Variants in ABCG4 observed in about 807,000 individuals in gnomAD.
ABCG4 encodes ATP binding cassette subfamily G member 4.
Under a neutral mutation model 64.6 loss-of-function variants are expected in ABCG4, and 35 were observed. The observed-to-expected ratio is 0.54, with a 90% CI of 0.41 to 0.72. The LOEUF is 0.72. ABCG4 is among the 30% of genes least tolerant of loss of function. The probability of loss-of-function intolerance (pLI) is 0.00; values close to 1 mark genes in which losing one functional copy is unlikely to be tolerated. For missense variants in ABCG4, 610 were observed against 846.3 expected (o/e 0.72, Z 3.46); for synonymous variants, 326 against 348.2 (o/e 0.94, Z 0.71).
chr11:119,161,793 AG>A lies in ABCG4; in HGVS notation c.*690del, dbSNP rs1038383165. The A allele has an allele frequency of 7.9e-5, 12 of 152,778 alleles. No homozygotes were observed. Among genetic ancestry groups the A allele is most frequent in the African/African-American group, 2.4e-4 (10 of 41,424 alleles). 9.5% of individuals were successfully genotyped at this position (152,778 alleles called of 1,614,324 possible). On this transcript the variant is annotated 3_prime_UTR_variant, in exon 15 of 15. Transcript: ENST00000619701. ...CCTCCCCATCACCTTTGGTGGGGGC[AG>A]GGCCTGGTGGCACCTGTGCAATAAT...
chr11:119,152,955 T>C (rs1948211802), intron 2 of ABCG4: 1 of 152,090 alleles, frequency 6.6e-6, no homozygotes, highest in Non-Finnish European at 1.5e-5. Flanking sequence ...TTTGTTTTTC[T>C]GTCTTACTTA....
At position 119,156,280 on chromosome 11, in the gene ABCG4, T is replaced by C; in HGVS notation, c.687-49T>C. The C allele has an allele frequency of 6.2e-7, 1 of 1,612,978 alleles. No individual in the cohort carries two copies. Among genetic ancestry groups the C allele is most frequent in the Non-Finnish European group, 8.5e-7 (1 of 1,179,240 alleles). Reference sequence around the variant, plus strand: ...GCCCCGCCCCAGACACTCCCTTCTTTTGGCCTCACCCACCTCACGTGGCCC... The same window carrying C: ...GCCCCGCCCCAGACACTCCCTTCTTCTGGCCTCACCCACCTCACGTGGCCC... On this transcript the variant is annotated intron_variant, in intron 6 of 14. Transcript: ENST00000619701. This position sits in a 1 kb window ranked among gnomAD's most constrained non-coding sequence, Gnocchi z 5.5.
chr11:119,158,416 G>C lies in ABCG4; in HGVS notation c.1167+84G>C, dbSNP rs1405722351. 6.4e-7 allele frequency: 1 copy of C among 1,567,266 alleles called. No individual in the cohort carries two copies. Among genetic ancestry groups the C allele is most frequent in the Non-Finnish European group, 8.8e-7 (1 of 1,139,030 alleles). On this transcript the variant is annotated intron_variant, in intron 10 of 14. Coordinates refer to ENST00000619701, the MANE Select transcript of ABCG4 (RefSeq NM_022169.5). The surrounding 1 kb of genome is among the most constrained non-coding windows in gnomAD (Gnocchi z 4.5). Reference sequence around the variant, plus strand: ...GATCCCAGCAGCTGAAATGGGAATGGGGACCCTCCCTCACAGCCCTGCAAT... The same window carrying C: ...GATCCCAGCAGCTGAAATGGGAATGCGGACCCTCCCTCACAGCCCTGCAAT...
chr11:119,158,345 G>C lies in ABCG4; in HGVS notation c.1167+13G>C. 6.2e-7 allele frequency: 1 copy of C among 1,613,414 alleles called. No individual in the cohort carries two copies. The highest frequency in any genetic ancestry group is 8.5e-7 in the Non-Finnish European group (1 of 1,179,442). ...CCTCAGGGACACGGTGAGGCGTCAGGCTGGGGGAGAGGAGGCTGGCACAGG... is the reference window on the plus strand; with the variant it reads ...CCTCAGGGACACGGTGAGGCGTCAGCCTGGGGGAGAGGAGGCTGGCACAGG... On this transcript the variant is annotated intron_variant, in intron 10 of 14. Transcript: ENST00000619701. This position sits in a 1 kb window ranked among gnomAD's most constrained non-coding sequence, Gnocchi z 4.5.
chr11:119,154,694 G>T lies in ABCG4; in HGVS notation c.541-76G>T. On this transcript the variant is annotated intron_variant, in intron 5 of 14. Transcript: ENST00000619701. The surrounding 1 kb of genome is among the most constrained non-coding windows in gnomAD (Gnocchi z 7.0). ...CCGAGACAATGCACTTAAGGGAGAT[G>T]CTTTTTGAAGCTGGGGTGGTGCCTG... 4 of 1,585,856 alleles carry T rather than the reference G, an allele frequency of 2.5e-6. No homozygotes were observed. The South Asian group carries it at 4.6e-5, about 18-fold the overall frequency.
Position 119,158,572 on chromosome 11 carries a change from C to T in ABCG4, c.1183C>T (p.Arg395Trp), listed in dbSNP as rs748264266. 10 of 1,614,102 alleles carry T rather than the reference C, an allele frequency of 6.2e-6. No individual in the cohort carries two copies. The highest frequency in any genetic ancestry group is 1.6e-4 in the Middle Eastern group (1 of 6,084). ...ILRDTVLTHL[R>W]FMSHVVIGVL... is the part of the protein sequence containing the mutation. Reference sequence around the variant, plus strand: ...CCCTCCCAAGGTCCTGACCCACCTACGGTTCATGTCCCACGTGGTTATTGG... The same window carrying T: ...CCCTCCCAAGGTCCTGACCCACCTATGGTTCATGTCCCACGTGGTTATTGG... The change falls in exon 11 of 15, where the codon CGG becomes TGG. Residue 395 changes from arginine to tryptophan, a missense_variant. Physicochemically the swap from Arg to Trp is moderately radical, Grantham distance 101 (BLOSUM62 -3). Transcript: ENST00000619701. The surrounding 1 kb of genome is among the most constrained non-coding windows in gnomAD (Gnocchi z 4.5).
Position 119,160,918 on chromosome 11 carries a change from A to G in ABCG4, c.1753A>G (p.Met585Val), listed in dbSNP as rs1948340693. Residue 585 changes from methionine (M) to valine (V), a missense_variant, in exon 15 of 15, where the codon ATG (methionine) becomes GTG (valine). Physicochemically the swap from Met to Val is conservative, Grantham distance 21. Coordinates refer to ENST00000619701, the MANE Select transcript of ABCG4 (RefSeq NM_022169.5). This position sits in a 1 kb window ranked among gnomAD's most constrained non-coding sequence, Gnocchi z 4.6. ...FEGVILTIYG[M>V]ERGDLTCLEE... is the part of the protein sequence containing the mutation. Reference sequence around the variant, plus strand: ...GGGTGTGATCCTGACGATCTATGGCATGGAGCGAGGAGACCTGACATGTTT... The same window carrying G: ...GGGTGTGATCCTGACGATCTATGGCGTGGAGCGAGGAGACCTGACATGTTT... The G allele has an allele frequency of 5.0e-6, 8 of 1,614,006 alleles. No individual in the cohort carries two copies. In the East Asian group the frequency reaches 1.8e-4, roughly 36 times the overall value.
In ABCG4 at chr11:119,150,047, G is replaced by A; in HGVS notation, c.82G>A (p.Ala28Thr). Reference protein sequence around the residue: ...VAMAVTLEDGAEPPVLTTHLK... With the variant: ...VAMAVTLEDGTEPPVLTTHLK... ...CATGGCCGTGACGCTGGAGGACGGG[G>A]CGGAACCCCCTGTGCTGACCACGCA... is the stretch of plus-strand genomic sequence containing the variant. The change falls in exon 2 of 15, where the codon GCG (alanine) becomes ACG (threonine). Residue 28 changes from alanine to threonine, a missense_variant. Coordinates refer to ENST00000619701, the MANE Select transcript of ABCG4 (RefSeq NM_022169.5). The surrounding 1 kb of genome is among the most constrained non-coding windows in gnomAD (Gnocchi z 4.3). 1.9e-6 allele frequency: 3 copies of A among 1,613,840 alleles called. No individual in the cohort carries two copies. Among genetic ancestry groups the A allele is most frequent in the Middle Eastern group, 1.7e-4 (1 of 6,056 alleles).
At position 119,156,220 on chromosome 11, in the gene ABCG4, C is replaced by T; in HGVS notation, c.687-109C>T. 1.3e-6 allele frequency: 2 copies of T among 1,482,960 alleles called. No individual in the cohort carries two copies. Among genetic ancestry groups the T allele is most frequent in the Non-Finnish European group, 1.9e-6 (2 of 1,080,710 alleles). 91.9% of individuals were successfully genotyped at this position (1,482,960 alleles called of 1,614,324 possible). A position where few individuals can be genotyped will look rare whatever the true frequency, so the allele number is the denominator to read the frequency against. On this transcript the variant is annotated intron_variant, in intron 6 of 14. Transcript: ENST00000619701. The surrounding 1 kb of genome is among the most constrained non-coding windows in gnomAD (Gnocchi z 5.5). The stretch of plus-strand genomic sequence containing the variant: ...AGGATACAGATGCGGCCAGAGTGCC[C>T]TCTTCCTGCCAGCTTCATCCCCTTC...
Position 119,149,906 on chromosome 11 carries a change from G to A in ABCG4, c.-12-48G>A. ...GCATTAGAACGCCAGGGAGCTTTGA[G>A]CCGGGCTCGGTGGTCTGCCCCAAAC... is the stretch of plus-strand genomic sequence containing the variant. On this transcript the variant is annotated intron_variant, in intron 1 of 14. Coordinates refer to ENST00000619701, the MANE Select transcript of ABCG4 (RefSeq NM_022169.5). This position sits in a 1 kb window ranked among gnomAD's most constrained non-coding sequence, Gnocchi z 8.3. 1 of 1,558,856 alleles carries A rather than the reference G, an allele frequency of 6.4e-7. No individual in the cohort carries two copies. Among genetic ancestry groups the A allele is most frequent in the South Asian group, 1.2e-5 (1 of 86,842 alleles).
At chr11:119,151,188 CAAAA>C (rs1176174477) in intron 2 of ABCG4, among the ~76,000 whole-genome samples, 3 of 152,234 alleles carry the variant, frequency 2.0e-5, no homozygotes, top group African/African-American at 7.2e-5. Flanking sequence ...CAGCTCTGGG[CAAAA>C]TCATGAGGCA....
chr11:119,160,091 C>A lies in ABCG4; in HGVS notation c.1438-136C>A, dbSNP rs534618713. On this transcript the variant is annotated intron_variant, in intron 12 of 14. Coordinates refer to ENST00000619701, the MANE Select transcript of ABCG4 (RefSeq NM_022169.5). This position sits in a 1 kb window ranked among gnomAD's most constrained non-coding sequence, Gnocchi z 4.6. ...GGACGTGTGTCAATCTGGGGGACAG[C>A]TTGAACAAGAATGTGGAGGCAGGAT... 2.2e-6 allele frequency: 2 copies of A among 925,708 alleles called. No individual in the cohort carries two copies. Among genetic ancestry groups the A allele is most frequent in the Admixed American group, 2.5e-5 (1 of 39,850 alleles). 57.3% of individuals were successfully genotyped at this position (925,708 alleles called of 1,614,324 possible).
Position 119,156,783 on chromosome 11 carries a change from C to G in ABCG4, c.926-89C>G. ...CTAGGGGTAGAGATCTCACCGTCGC[C>G]TGCCTTCCCCACACACCCAAGGCGG... On this transcript the variant is annotated intron_variant, in intron 8 of 14. Transcript: ENST00000619701. This position sits in a 1 kb window ranked among gnomAD's most constrained non-coding sequence, Gnocchi z 5.5. The G allele has an allele frequency of 6.3e-7, 1 of 1,589,748 alleles. No homozygotes were observed. The highest frequency in any genetic ancestry group is 1.3e-5 in the African/African-American group (1 of 74,406).
chr11:119,158,220 T>TTTC lies in ABCG4; in HGVS notation c.1069-7_1069-5dup, dbSNP rs112039440. ...GTAGGCTCACCTGATCCCGATCCAA[T>TTTC]TTCTTCTTCCCAGGAAGTGGATCCC... On this transcript the variant is annotated splice_polypyrimidine_tract_variant and intron_variant, in intron 9 of 14. Transcript: ENST00000619701. The surrounding 1 kb of genome is among the most constrained non-coding windows in gnomAD (Gnocchi z 4.5). The TTTC allele has an allele frequency of 0.017, 27,194 of 1,569,684 alleles. 3,898 individuals are homozygous for TTTC. In the African/African-American group the frequency reaches 0.32, roughly 18 times the overall value.
intron 2 of ABCG4, among the ~76,000 whole-genome samples, chr11:119,152,219 T>G (rs777159482): frequency 5.3e-4 from 81 of 152,128 alleles, no homozygotes; most frequent in Non-Finnish European, 9.6e-4. Context: ...GGAAAGAACT[T>G]GCTGTGTGAC....
chr11:119,161,261 C>G lies in ABCG4; in HGVS notation c.*155C>G. ...TCCACAGGCTGGCTGTCGGACTGCG[C>G]TCCCAGCCTGGGCTCTGGGAGTGGG... On this transcript the variant is annotated 3_prime_UTR_variant, in exon 15 of 15. Coordinates refer to ENST00000619701, the MANE Select transcript of ABCG4 (RefSeq NM_022169.5). 1.5e-6 allele frequency: 1 copy of G among 677,818 alleles called. No individual in the cohort carries two copies. Among genetic ancestry groups the G allele is most frequent in the African/African-American group, 1.8e-5 (1 of 55,340 alleles). The allele number at this position is 677,818 out of a possible 1,614,324, so 42.0% of individuals were successfully genotyped here.
chr11:119,161,199 G>A lies in ABCG4; in HGVS notation c.*93G>A. ...TTTTAACCTTATAGACTTGGGCACT[G>A]GTTCCTGGCGGGGCTATCCTCTCCT... is the stretch of plus-strand genomic sequence containing the variant. On this transcript the variant is annotated 3_prime_UTR_variant, in exon 15 of 15. Coordinates refer to ENST00000619701, the MANE Select transcript of ABCG4 (RefSeq NM_022169.5). 1 of 1,202,062 alleles carries A rather than the reference G, an allele frequency of 8.3e-7. No homozygotes were observed. The highest frequency in any genetic ancestry group is 1.1e-6 in the Non-Finnish European group (1 of 870,384). 74.5% of individuals were successfully genotyped at this position (1,202,062 alleles called of 1,614,324 possible). A position where few individuals can be genotyped will look rare whatever the true frequency, so the allele number is the denominator to read the frequency against.
Position 119,156,290 on chromosome 11 carries a change from C to G in ABCG4, c.687-39C>G. On this transcript the variant is annotated intron_variant, in intron 6 of 14. Transcript: ENST00000619701. The surrounding 1 kb of genome is among the most constrained non-coding windows in gnomAD (Gnocchi z 5.5). ...AGACACTCCCTTCTTTTGGCCTCAC[C>G]CACCTCACGTGGCCCCCTGGTGGCC... The G allele has an allele frequency of 6.2e-7, 1 of 1,613,642 alleles. No homozygotes were observed.
rs1312737791 is a variant in ABCG4 at position 119,158,683 on chromosome 11, C to T, written c.1294C>T (p.Leu432=). Residue 432 remains leucine, a synonymous_variant, in exon 11 of 15, where the codon CTG becomes TTG. Coordinates refer to ENST00000619701, the MANE Select transcript of ABCG4 (RefSeq NM_022169.5). This position sits in a 1 kb window ranked among gnomAD's most constrained non-coding sequence, Gnocchi z 4.5. ...NNTGCLFFSM[L]FLMFAALMPT... ...CACCGGCTGCCTCTTCTTCTCCATG[C>T]TGTTCCTCATGTTCGCCGCCCTCAT... is the stretch of plus-strand genomic sequence containing the variant. The T allele has an allele frequency of 6.2e-6, 10 of 1,614,058 alleles. No homozygotes were observed. The highest frequency in any genetic ancestry group is 5.0e-5 in the Admixed American group (3 of 60,006).
Sources: gnomAD v4.1 joint callset for allele counts (sites outside exome capture counted in the v4.1 genomes callset) on GRCh38, gnomAD v4.1.1 for gene constraint, Gnocchi (gnomAD v3.1) non-coding constraint, MANE v1.5 for transcripts, NCBI Gene and HGNC (gene_info 2026-07-23, HGNC 2026-07-21) for gene names.